The following PTPRK variants were observed in gnomAD, a reference collection of about 807,000 sequenced individuals.
The protein encoded by PTPRK is protein tyrosine phosphatase receptor type K, also known as receptor-type tyrosine-protein phosphatase kappa.
In PTPRK, 75 loss-of-function variants were observed where a neutral mutation model predicts 178.0. The observed-to-expected ratio is 0.42, with a 90% CI of 0.35 to 0.51. The LOEUF is 0.51. PTPRK is among the 20% of genes least tolerant of loss of function. The pLI, the probability that PTPRK is intolerant of heterozygous loss-of-function variation, is 0.02. For synonymous variants in PTPRK, 637 were observed against 620.6 expected (o/e 1.03, Z -0.39); for missense variants, 1,441 against 1,797.8 (o/e 0.80, Z 3.59).
chr6:128,434,494 C>T (rs1411423219), intron 1 of PTPRK, among the ~76,000 whole-genome samples: 1 of 152,144 alleles, frequency 6.6e-6, no homozygotes, highest in African/African-American at 2.4e-5. Flanking sequence ...AGCCATATGA[C>T]TTGGAACAAA....
intron 5 of PTPRK, among the ~76,000 whole-genome samples, chr6:128,228,614 C>A (rs1346765250): frequency 4.1e-5 from 6 of 147,024 alleles, no homozygotes; most frequent in Non-Finnish European, 8.9e-5. Flanking sequence ...GAGCGGAGAT[C>A]GCGCCACTAC....
At chr6:128,516,851 G>C (rs1858111077) in intron 1 of PTPRK, among the ~76,000 whole-genome samples, 1 of 151,968 alleles carries the variant, frequency 6.6e-6, no homozygotes, top group Non-Finnish European at 1.5e-5. Context: ...TAAAGAAACT[G>C]ACTAAAAATA....
chr6:128,012,322 T>C (rs1475143323), intron 13 of PTPRK, among the ~76,000 whole-genome samples: 1 of 151,282 alleles, frequency 6.6e-6, no homozygotes, highest in East Asian at 1.9e-4. Flanking sequence ...TTTAAAATCA[T>C]TCAAGCTTAG....
At chr6:128,128,056 G>C (rs1344771527) in intron 7 of PTPRK, among the ~76,000 whole-genome samples, 5 of 152,046 alleles carry the variant, frequency 3.3e-5, no homozygotes, top group Admixed American at 3.3e-4. Flanking sequence ...ATATATGATG[G>C]CTGCTATCAT....
chr6:128,311,333 A>G (rs1827217063), intron 3 of PTPRK, among the ~76,000 whole-genome samples: 1 of 152,192 alleles, frequency 6.6e-6, no homozygotes, highest in Non-Finnish European at 1.5e-5. Flanking sequence ...GAATTCAGTC[A>G]TAAGATTGAC....
At chr6:128,195,978 C>A (rs752717526) in intron 6 of PTPRK, among the ~76,000 whole-genome samples, 5 of 151,980 alleles carry the variant, frequency 3.3e-5, no homozygotes, top group Non-Finnish European at 5.9e-5. Context: ...AGATACAGAA[C>A]TTTTAAGGAG....
At chr6:128,369,139 T>TTATCTTGAAAGTACATTTATACACTGA (rs11275324) in intron 2 of PTPRK, among the ~76,000 whole-genome samples, 1 of 151,806 alleles carries the variant, frequency 6.6e-6, no homozygotes, top group South Asian at 2.1e-4. Flanking sequence ...GGGAAAGAGG[T>TTATCTTGAAAGTACATTTATACACTGA]TATTTCCCCA....
chr6:128,223,399 T>C (rs1222849101), intron 5 of PTPRK, among the ~76,000 whole-genome samples: 2 of 151,984 alleles, frequency 1.3e-5, no homozygotes, highest in Non-Finnish European at 2.9e-5. Context: ...CACCAAGCTA[T>C]TTCAGAAATA....
intron 1 of PTPRK, chr6:128,409,164 C>T: frequency 6.7e-6 from 2 of 296,444 alleles, no homozygotes; most frequent in Non-Finnish European, 6.6e-6. Flanking sequence ...TGGGAAGCAA[C>T]ATTTTATGAT....
At position 128,009,253 on chromosome 6, in the gene PTPRK, T is replaced by G. The variant is rs780434331; in HGVS notation, c.2210A>C (p.Glu737Ala). ...GGCGGGATCTGGGATCACTTCTGGT[T>G]CTTCTGTTGCTGCTGCTAAATGGAT... is the stretch of plus-strand genomic sequence containing the variant. ...RIATKAAATE[E>A]PEVIPDPAKQ... The change falls in exon 14 of 30, where the codon GAA (glutamate) becomes GCA (alanine). Residue 737 changes from glutamate to alanine, a missense_variant. Glu to Ala is a moderately radical substitution (Grantham distance 107). Coordinates refer to ENST00000368226, the MANE Select transcript of PTPRK (RefSeq NM_002844.4). 1.9e-6 allele frequency: 3 copies of G among 1,607,762 alleles called. No homozygotes were observed. Among genetic ancestry groups the G allele is most frequent in the Non-Finnish European group, 2.6e-6 (3 of 1,176,310 alleles).
intron 1 of PTPRK, among the ~76,000 whole-genome samples, chr6:128,504,257 CCTG>C (rs1855984977): frequency 6.6e-6 from 1 of 152,122 alleles, no homozygotes; most frequent in Non-Finnish European, 1.5e-5. Flanking sequence ...TTCTCTGTCC[CCTG>C]CCCTTTACTT....
chr6:128,195,241 T>C (rs1156860366), intron 6 of PTPRK, among the ~76,000 whole-genome samples: 2 of 151,954 alleles, frequency 1.3e-5, no homozygotes, highest in Admixed American at 1.3e-4. Context: ...TTTGCCAACT[T>C]ACTCCCCAGG....
chr6:128,487,960 G>A (rs1439008415), intron 1 of PTPRK, among the ~76,000 whole-genome samples: 7 of 152,136 alleles, frequency 4.6e-5, no homozygotes, highest in Admixed American at 2.6e-4. Context: ...TAGGATAGTT[G>A]TATATGTGAA....
chr6:128,239,221 T>TA (rs1227306900), intron 5 of PTPRK, among the ~76,000 whole-genome samples: 1 of 149,872 alleles, frequency 6.7e-6, no homozygotes, highest in Non-Finnish European at 1.5e-5. Context: ...GCAGAGAACC[T>TA]AAAAAATAAT....
chr6:128,218,358 T>C (rs904840829), intron 6 of PTPRK, among the ~76,000 whole-genome samples: 2 of 152,232 alleles, frequency 1.3e-5, no homozygotes, highest in African/African-American at 4.8e-5. Flanking sequence ...ACTACAAATA[T>C]GTACTGATAT....
At chr6:128,177,304 C>G (rs2114670160) in intron 7 of PTPRK, among the ~76,000 whole-genome samples, 1 of 151,788 alleles carries the variant, frequency 6.6e-6, no homozygotes, top group East Asian at 1.9e-4. Flanking sequence ...AAAGCCATTT[C>G]TACTTCCTGA....
chr6:128,097,147 G>A (rs1788052145), intron 7 of PTPRK, among the ~76,000 whole-genome samples: 2 of 152,162 alleles, frequency 1.3e-5, no homozygotes, highest in South Asian at 4.1e-4. Context: ...TGTAACGTGA[G>A]GGAGCCTCAG....
At chr6:128,209,144 C>A (rs556384835) in intron 6 of PTPRK, among the ~76,000 whole-genome samples, 1 of 152,142 alleles carries the variant, frequency 6.6e-6, no homozygotes, top group Admixed American at 6.5e-5. Flanking sequence ...GCCCCCTTAA[C>A]TTACTCCCTA....
chr6:128,173,327 T>C (rs1446006366), intron 7 of PTPRK, among the ~76,000 whole-genome samples: 1 of 152,026 alleles, frequency 6.6e-6, no homozygotes, highest in Non-Finnish European at 1.5e-5. Flanking sequence ...GCAGGGAGGC[T>C]TGAGTAATCA....
Sources: gnomAD v4.1 joint callset for allele counts (sites outside exome capture counted in the v4.1 genomes callset) on GRCh38, gnomAD v4.1.1 for gene constraint, MANE v1.5 for transcripts, NCBI Gene and HGNC (gene_info 2026-07-23, HGNC 2026-07-21) for gene names.